The following EVI5 variants were observed in gnomAD, a reference collection of about 807,000 sequenced individuals.
EVI5 encodes the protein ecotropic viral integration site 5 protein homolog.
A neutral mutation model predicts 112.0 loss-of-function variants in EVI5; 73 were observed. That is an observed-to-expected ratio of 0.65 (90% CI 0.54 to 0.79). EVI5 has a LOEUF of 0.79. Among genes scored for constraint, EVI5 ranks in the 30% least tolerant of loss-of-function variants. The probability of loss-of-function intolerance (pLI) is 0.00; values close to 1 mark genes in which losing one functional copy is unlikely to be tolerated. For synonymous variants in EVI5, 305 were observed against 319.9 expected (o/e 0.95, Z 0.50); for missense variants, 900 against 968.8 (o/e 0.93, Z 0.94).
At chr1:92,613,761 A>T (rs552484760) in intron 16 of EVI5, among the ~76,000 whole-genome samples, 1 of 151,708 alleles carries the variant, frequency 6.6e-6, no homozygotes, top group South Asian at 2.1e-4. Flanking sequence ...GCTAATTTTT[A>T]AAAATTTTTA....
chr1:92,701,505 T>C, intron 5 of EVI5, among the ~76,000 whole-genome samples: 1 of 152,138 alleles, frequency 6.6e-6, no homozygotes, highest in East Asian at 1.9e-4. Context: ...AGGACTAAAA[T>C]CTGAGACTAA....
chr1:92,690,748 CT>C (rs1394006506), intron 9 of EVI5, among the ~76,000 whole-genome samples: 1 of 152,160 alleles, frequency 6.6e-6, no homozygotes, highest in East Asian at 1.9e-4. Flanking sequence ...AAAGTACTTA[CT>C]GGGTGCCAAG....
chr1:92,560,361 G>A (rs1254169968), intron 19 of EVI5, among the ~76,000 whole-genome samples: 2 of 152,174 alleles, frequency 1.3e-5, no homozygotes, highest in African/African-American at 2.4e-5. Context: ...TGTATTAGAA[G>A]TCTGAGATCA....
At chr1:92,666,023 G>A in intron 10 of EVI5, 31 bp from the exon 11 acceptor site, 3 of 1,449,436 alleles carry the variant, frequency 2.1e-6, no homozygotes, top group Non-Finnish European at 1.9e-6. Flanking sequence ...TTATTTGCAA[G>A]CATTTTTGAG....
At chr1:92,631,498 T>C (rs1015728411) in intron 14 of EVI5, among the ~76,000 whole-genome samples, 21 of 152,220 alleles carry the variant, frequency 1.4e-4, no homozygotes, top group South Asian at 2.1e-4. Flanking sequence ...TATTGGTGTA[T>C]AAGAATGCTT....
chr1:92,722,043 TA>T lies in EVI5; in HGVS notation c.149+14354del, dbSNP rs1674837519. Reference sequence around the variant, plus strand: ...GTCCTGCCCCAACTTCATGTCCCACTATTTTAATTACTTAAAATTATATTTT... The same window carrying T: ...GTCCTGCCCCAACTTCATGTCCCACTTTTTAATTACTTAAAATTATATTTT... On this transcript the variant is annotated intron_variant, in intron 2 of 19. Transcript: ENST00000684568. Among the ~76,000 whole-genome samples, 3 of 27,278 alleles carry T rather than the reference TA, an allele frequency of 1.1e-4. No homozygotes were observed. In the South Asian group the frequency reaches 7.9e-3, roughly 72 times the overall value. The allele number at this position is 27,278 out of a possible 152,430, so 17.9% of individuals were successfully genotyped here.
intron 19 of EVI5, among the ~76,000 whole-genome samples, chr1:92,538,109 C>T (rs560298299): frequency 3.3e-5 from 5 of 152,286 alleles, no homozygotes; most frequent in East Asian, 1.9e-4. Context: ...AGTCTTTCTA[C>T]AGTGCATACT....
intron 19 of EVI5, among the ~76,000 whole-genome samples, chr1:92,563,289 C>G (rs1452220788): frequency 6.6e-6 from 1 of 151,962 alleles, no homozygotes; most frequent in Non-Finnish European, 1.5e-5. Flanking sequence ...CGGTAAATAC[C>G]ACAAATCTAT....
intron 19 of EVI5, among the ~76,000 whole-genome samples, chr1:92,529,929 G>A (rs1199229222): frequency 6.6e-6 from 1 of 151,878 alleles, no homozygotes; most frequent in African/African-American, 2.4e-5. Flanking sequence ...CATAAATATT[G>A]TACTTATTAA....
chr1:92,697,825 G>A (rs774983122), intron 6 of EVI5, 35 bp downstream of exon 6: 1 of 1,565,722 alleles, frequency 6.4e-7, no homozygotes, highest in Admixed American at 1.8e-5. Flanking sequence ...AAAATATAAA[G>A]GCAATATGCC....
At chr1:92,769,149 T>C (rs1683044649) in intron 1 of EVI5, among the ~76,000 whole-genome samples, 1 of 152,204 alleles carries the variant, frequency 6.6e-6, no homozygotes, top group South Asian at 2.1e-4. Flanking sequence ...CTCTGCAACA[T>C]ATGCCCCAGT....
chr1:92,635,830 A>G (rs1658705183), intron 14 of EVI5, among the ~76,000 whole-genome samples: 1 of 152,158 alleles, frequency 6.6e-6, no homozygotes, highest in Non-Finnish European at 1.5e-5. Flanking sequence ...ATGTCTATGT[A>G]TTAGTCCTAT....
At position 92,555,251 on chromosome 1, in the gene EVI5, A is replaced by G. The variant is rs577850108; in HGVS notation, c.2166+8391T>C. On this transcript the variant is annotated intron_variant, in intron 19 of 19. Transcript: ENST00000684568. ...TAAGGGAATAATTTCTTTTATTAAG[A>G]AGCTGCCACACTGGGAAAACTAATA... Among the ~76,000 whole-genome samples the G allele has an allele frequency of 8.5e-5, 13 of 152,336 alleles. No individual in the cohort carries two copies. The South Asian group carries it at 2.7e-3, about 32-fold the overall frequency.
At chr1:92,787,051 T>A (rs1475399994), upstream of EVI5, among the ~76,000 whole-genome samples, 1 of 152,218 alleles carries the variant, frequency 6.6e-6, no homozygotes, top group African/African-American at 2.4e-5. Context: ...TCACATCGCA[T>A]GAAACTGTAA....
chr1:92,545,791 G>A (rs907395978), intron 19 of EVI5, among the ~76,000 whole-genome samples: 1 of 152,046 alleles, frequency 6.6e-6, no homozygotes, highest in African/African-American at 2.4e-5. Context: ...GGCTTCAGGA[G>A]TGCCCCTCTC....
intron 9 of EVI5, among the ~76,000 whole-genome samples, chr1:92,687,156 T>A (rs1387586067): frequency 6.6e-6 from 1 of 152,120 alleles, no homozygotes; most frequent in Non-Finnish European, 1.5e-5. Flanking sequence ...AAGGCTACAG[T>A]AACCAAAACA....
At chr1:92,627,288 T>C (rs1349854083) in intron 14 of EVI5, among the ~76,000 whole-genome samples, 2 of 152,338 alleles carry the variant, frequency 1.3e-5, no homozygotes, top group East Asian at 3.9e-4. Context: ...CTGAGTTACT[T>C]CACTTAGAAT....
intron 2 of EVI5, among the ~76,000 whole-genome samples, chr1:92,707,976 A>C (rs1217025399): frequency 1.3e-5 from 2 of 152,216 alleles, no homozygotes; most frequent in Non-Finnish European, 2.9e-5. Flanking sequence ...TAGATGTTAG[A>C]ACGAAAGAAG....
chr1:92,555,865 A>G (rs1667600708), intron 19 of EVI5, among the ~76,000 whole-genome samples: 1 of 151,450 alleles, frequency 6.6e-6, no homozygotes, highest in Non-Finnish European at 1.5e-5. Context: ...AAAAAAAAAA[A>G]AAGGAATAAG....
Sources: gnomAD v4.1 joint callset for allele counts (sites outside exome capture counted in the v4.1 genomes callset) on GRCh38, gnomAD v4.1.1 for gene constraint, MANE v1.5 for transcripts, NCBI Gene and HGNC (gene_info 2026-07-23, HGNC 2026-07-21) for gene names.